Variants in XKR6 observed in about 807,000 individuals in gnomAD.
XKR6 encodes the protein XK related 6.
Under a neutral mutation model 56.7 loss-of-function variants are expected in XKR6, and 22 were observed. That is an observed-to-expected ratio of 0.39 (90% confidence interval 0.28 to 0.55). The LOEUF (loss-of-function observed/expected upper bound fraction) is 0.55. XKR6 is among the 20% of genes least tolerant of loss of function. XKR6 has a pLI of 0.66. For missense variants in XKR6, 852 were observed against 889.0 expected (o/e 0.96, Z 0.53); for synonymous variants, 524 against 387.8 (o/e 1.35, Z -4.13).
At chr8:11,176,163 A>G (rs1244008938) in intron 1 of XKR6, among the ~76,000 whole-genome samples, 1 of 152,182 alleles carries the variant, frequency 6.6e-6, no homozygotes, top group African/African-American at 2.4e-5. Context: ...TTTACAAATT[A>G]TCCCATTTTG....
chr8:11,119,385 ATCTG>A, intron 1 of XKR6, among the ~76,000 whole-genome samples: 1 of 152,148 alleles, frequency 6.6e-6, no homozygotes, highest in Non-Finnish European at 1.5e-5. Flanking sequence ...TGTCTCGTTG[ATCTG>A]TCTAATGTTG....
intron 1 of XKR6, among the ~76,000 whole-genome samples, chr8:11,059,276 C>CTCAGAA (rs1020265689): frequency 1.3e-5 from 2 of 151,864 alleles, no homozygotes; most frequent in African/African-American, 4.8e-5. Flanking sequence ...GTCCTGGCGC[C>CTCAGAA]TCAGAAATCT....
At chr8:10,961,142 G>T (rs1461167118) in intron 1 of XKR6, among the ~76,000 whole-genome samples, 2 of 152,160 alleles carry the variant, frequency 1.3e-5, no homozygotes, top group Admixed American at 1.3e-4. Flanking sequence ...GCTGTGAGCG[G>T]ATGAATCCCA....
chr8:11,094,302 C>T (rs1563131937), intron 1 of XKR6, among the ~76,000 whole-genome samples: 2 of 152,154 alleles, frequency 1.3e-5, no homozygotes, highest in Admixed American at 6.5e-5. Context: ...GATTCTCCTG[C>T]TGCAGCCTCC....
At chr8:11,078,228 C>G (rs770117780) in intron 1 of XKR6, among the ~76,000 whole-genome samples, 2 of 152,188 alleles carry the variant, frequency 1.3e-5, no homozygotes, top group Non-Finnish European at 2.9e-5. Flanking sequence ...AGAACTGACA[C>G]TTATTGAATT....
chr8:11,086,316 A>G (rs1797889604), intron 1 of XKR6, among the ~76,000 whole-genome samples: 1 of 152,152 alleles, frequency 6.6e-6, no homozygotes, highest in African/African-American at 2.4e-5. Flanking sequence ...CCTGCAGGAC[A>G]TTCTGGATAT....
chr8:11,060,930 C>T (rs1371976606), intron 1 of XKR6, among the ~76,000 whole-genome samples: 1 of 152,184 alleles, frequency 6.6e-6, no homozygotes, highest in African/African-American at 2.4e-5. Context: ...TATCCCCTAT[C>T]CCCATTTTAC....
rs182329298 is a variant in XKR6 at position 11,182,129 on chromosome 8, T to C, written c.764+18447A>G. On this transcript the variant is annotated intron_variant, in intron 1 of 2. Coordinates refer to ENST00000416569, the MANE Select transcript of XKR6 (RefSeq NM_173683.4). ...AAACACTATTTACAGTATAGGGTTT[T>C]AGAGTAAATACCTTGCCCAAGTTAA... 5.3e-5 allele frequency among the ~76,000 whole-genome samples: 8 copies of C among 152,334 alleles called. No homozygotes were observed. In the East Asian group the frequency reaches 1.3e-3, roughly 26 times the overall value.
intron 1 of XKR6, among the ~76,000 whole-genome samples, chr8:11,150,722 G>A (rs1420303366): frequency 3.3e-5 from 5 of 151,728 alleles, no homozygotes; most frequent in Non-Finnish European, 5.9e-5. Flanking sequence ...GTGTGGTGGC[G>A]GGCGCCTATA....
At chr8:11,070,586 C>T (rs1299394876) in intron 1 of XKR6, among the ~76,000 whole-genome samples, 1 of 152,160 alleles carries the variant, frequency 6.6e-6, no homozygotes, top group Non-Finnish European at 1.5e-5. Context: ...TGAAATATGC[C>T]AGTGCCTCAC....
intron 1 of XKR6, among the ~76,000 whole-genome samples, chr8:10,967,997 C>T (rs1046375640): frequency 2.6e-5 from 4 of 152,192 alleles, no homozygotes; most frequent in East Asian, 1.9e-4. Context: ...AGCCCTCACT[C>T]GGCGCCCTCC....
intron 2 of XKR6, among the ~76,000 whole-genome samples, chr8:10,915,347 G>GCCA (rs138857625): frequency 2.6e-5 from 1 of 37,974 alleles, no homozygotes; most frequent in Non-Finnish European, 6.6e-5. Context: ...CGTTGTCAGA[G>GCCA]CCCCCATGAA....
chr8:10,970,939 C>A (rs1802391142), intron 1 of XKR6, among the ~76,000 whole-genome samples: 1 of 151,812 alleles, frequency 6.6e-6, no homozygotes. Context: ...ATCTGAAGCA[C>A]CCTTTTATCA....
chr8:11,048,350 G>C (rs182259614), intron 1 of XKR6, among the ~76,000 whole-genome samples: 1 of 152,230 alleles, frequency 6.6e-6, no homozygotes, highest in South Asian at 2.1e-4. Flanking sequence ...TTCTCGCCAG[G>C]GGGAGGGAAA....
At chr8:11,085,701 C>T (rs1026579739) in intron 1 of XKR6, among the ~76,000 whole-genome samples, 5 of 152,126 alleles carry the variant, frequency 3.3e-5, no homozygotes, top group African/African-American at 9.7e-5. Context: ...ATCGGGCAGG[C>T]CTCCCACAGG....
intron 1 of XKR6, among the ~76,000 whole-genome samples, chr8:11,140,403 C>G (rs1800632054): frequency 6.6e-6 from 1 of 152,104 alleles, no homozygotes; most frequent in Non-Finnish European, 1.5e-5. Flanking sequence ...GGTATCGAGG[C>G]AAAAAGACCA....
Position 11,165,006 on chromosome 8 carries a change from G to A in XKR6, c.764+35570C>T, listed in dbSNP as rs186738746. ...ACCAAAGAACCAGAGGTACCAACAGGGTTAAGATACGCCTTGAATCCAAGA... is the reference window on the plus strand; with the variant it reads ...ACCAAAGAACCAGAGGTACCAACAGAGTTAAGATACGCCTTGAATCCAAGA... On this transcript the variant is annotated intron_variant, in intron 1 of 2. Transcript: ENST00000416569. Among the ~76,000 whole-genome samples the A allele has an allele frequency of 5.3e-5, 8 of 151,144 alleles. No individual in the cohort carries two copies. In the East Asian group the frequency reaches 1.5e-3, roughly 29 times the overall value.
intron 1 of XKR6, among the ~76,000 whole-genome samples, chr8:11,087,940 C>G (rs1797944225): frequency 6.6e-6 from 1 of 152,168 alleles, no homozygotes; most frequent in African/African-American, 2.4e-5. Context: ...AAGAGCCTAC[C>G]TGGATAAGGA....
chr8:11,131,422 T>A (rs931715012), intron 1 of XKR6, among the ~76,000 whole-genome samples: 1 of 152,184 alleles, frequency 6.6e-6, no homozygotes. Flanking sequence ...TTTTTTGAGT[T>A]TTTCTTTATT....
Sources: gnomAD v4.1 joint callset for allele counts (sites outside exome capture counted in the v4.1 genomes callset) on GRCh38, gnomAD v4.1.1 for gene constraint, MANE v1.5 for transcripts, NCBI Gene and HGNC (gene_info 2026-07-23, HGNC 2026-07-21) for gene names.